GCC2: variants seen among roughly 807,000 people sequenced by gnomAD.
GCC2 encodes the protein GRIP and coiled-coil domain-containing protein 2.
A neutral mutation model predicts 210.6 loss-of-function variants in GCC2; 120 were observed. The observed-to-expected ratio is 0.57, with a 90% confidence interval of 0.49 to 0.66. GCC2 has a LOEUF of 0.66. Ranked by LOEUF, GCC2 falls within the 30% of genes least tolerant of loss-of-function variation. The pLI is 0.00. For synonymous variants in GCC2, 703 were observed against 652.7 expected, an observed-to-expected ratio of 1.08 and a Z score of -1.17; for missense variants, 1,868 against 1,871.9, an observed-to-expected ratio of 1.00 and a Z score of 0.04.
rs773289345 is a variant in GCC2 at position 108,470,136 on chromosome 2, G to T, written c.807G>T (p.Glu269Asp). ...IEASAKEHEAEINKLNELKEN... is the reference protein window; with the variant it reads ...IEASAKEHEADINKLNELKEN... ...CATCAGCTAAGGAACATGAAGCAGA[G>T]ATAAATAAGTTGAACGAGCTAAAAG... The change falls in exon 6 of 23, where the codon GAG (glutamate) becomes GAT (aspartate). Residue 269 changes from glutamate (E) to aspartate (D), a missense_variant. Physicochemically the swap from Glu to Asp is conservative, Grantham distance 45 (BLOSUM62 2). This residue lies in a region of GCC2 where 1,847 missense variants were observed against 1,765.2 expected (regional missense o/e 1.05). Coordinates refer to ENST00000309863, the MANE Select transcript of GCC2 (RefSeq NM_181453.4). The T allele has an allele frequency of 5.0e-6, 8 of 1,613,724 alleles. No individual in the cohort carries two copies. Among genetic ancestry groups the T allele is most frequent in the Non-Finnish European group, 5.9e-6 (7 of 1,179,846 alleles).
Position 108,449,671 on chromosome 2 carries a change from T to G in GCC2, c.45T>G (p.Pro15=), listed in dbSNP as rs777363501. ...VQDGVASPAT[P]GTGKSKLETL... Reference sequence around the variant, plus strand: ...ATGGGGTGGCTTCACCAGCTACCCCTGGGACCGGGAAATCTAAGGTGAAGA... The same window carrying G: ...ATGGGGTGGCTTCACCAGCTACCCCGGGGACCGGGAAATCTAAGGTGAAGA... The change falls in exon 2 of 23, where the codon CCT becomes CCG. Residue 15 remains proline, a synonymous_variant. Transcript: ENST00000309863. 7 of 1,613,578 alleles carry G rather than the reference T, an allele frequency of 4.3e-6. No individual in the cohort carries two copies. Among genetic ancestry groups the G allele is most frequent in the Non-Finnish European group, 5.1e-6 (6 of 1,179,536 alleles).
chr2:108,484,312 G>A lies in GCC2; in HGVS notation c.3613+1G>A. 2 of 1,451,998 alleles carry A rather than the reference G, an allele frequency of 1.4e-6. No individual in the cohort carries two copies. The highest frequency in any genetic ancestry group is 1.9e-6 in the Non-Finnish European group (2 of 1,071,678). 89.9% of individuals were successfully genotyped at this position (1,451,998 alleles called of 1,614,324 possible). On this transcript the variant is annotated splice_donor_variant, in intron 13 of 22. Coordinates refer to ENST00000309863, the MANE Select transcript of GCC2 (RefSeq NM_181453.4). LOFTEE classifies it high-confidence loss of function. ...CAAGAAACCCTACAAGAAGAAATAA[G>A]TGAGTTAAAGAAAATTCACTTTACT...
chr2:108,482,229 T>G, intron 10 of GCC2, 58 bp from the exon 11 acceptor site: 1 of 988,916 alleles, frequency 1.0e-6, no homozygotes, highest in Non-Finnish European at 1.5e-6. Context: ...CTGTTCATTC[T>G]TCCTCTGCTG....
At position 108,475,559 on chromosome 2, in the gene GCC2, A is replaced by AG. The variant is rs1480106752; in HGVS notation, c.2885_2886insG (p.Glu964GlyfsTer6). ...GAAAATCTGGAAAAAGAATGCAAAG[A>AG]AAAGGAGGAGAAAATAAATAAGATA... On this transcript the variant is annotated frameshift_variant, in exon 8 of 23. Transcript: ENST00000309863. LOFTEE classifies it high-confidence loss of function. The AG allele has an allele frequency of 6.7e-7, 1 of 1,497,392 alleles. No homozygotes were observed. Among genetic ancestry groups the AG allele is most frequent in the Non-Finnish European group, 9.0e-7 (1 of 1,111,824 alleles). 92.8% of individuals were successfully genotyped at this position (1,497,392 alleles called of 1,614,324 possible). A position where few individuals can be genotyped will look rare whatever the true frequency, so the allele number is the denominator to read the frequency against.
chr2:108,495,517 A>C (rs933058067), intron 20 of GCC2, 32 bp downstream of exon 20: 50 of 1,426,870 alleles, frequency 3.5e-5, no homozygotes, highest in Admixed American at 1.1e-4. Flanking sequence ...TGTTTTTCTT[A>C]TTTAATTTCA....
intron 3 of GCC2, 136 bp from the exon 4 acceptor site, chr2:108,452,262 GA>G: frequency 1.5e-6 from 1 of 665,914 alleles, no homozygotes. Flanking sequence ...TGAGTGCAGA[GA>G]TTAATCATAC....
At chr2:108,473,627 T>C (rs1394647126) in intron 7 of GCC2, among the ~76,000 whole-genome samples, 1 of 152,196 alleles carries the variant, frequency 6.6e-6, no homozygotes, top group African/African-American at 2.4e-5. Context: ...GTATGTAATG[T>C]GCCAATGATC....
chr2:108,461,999 AT>A (rs527454034), intron 4 of GCC2, among the ~76,000 whole-genome samples: 37 of 133,808 alleles, frequency 2.8e-4, no homozygotes, highest in African/African-American at 4.1e-4. Context: ...CCCCCAGCTA[AT>A]TTTTTTTTTT....
chr2:108,507,410 C>A, intron 22 of GCC2, 150 bp from the exon 23 acceptor site: 2 of 364,080 alleles, frequency 5.5e-6, no homozygotes, highest in Non-Finnish European at 5.2e-6. Flanking sequence ...AAAGAACCCC[C>A]CCCCCCAAAA....
At chr2:108,497,218 G>A (rs1682689708) in intron 21 of GCC2, 109 bp downstream of exon 21, 15 of 1,566,698 alleles carry the variant, frequency 9.6e-6, no homozygotes, top group Admixed American at 5.0e-5. Context: ...CCAGGTTCAC[G>A]CCATTCTCCT....
At chr2:108,452,938 C>G (rs1251092319) in intron 4 of GCC2, among the ~76,000 whole-genome samples, 2 of 152,122 alleles carry the variant, frequency 1.3e-5, no homozygotes, top group Non-Finnish European at 2.9e-5. Context: ...ACGATCCGCC[C>G]GCCTCAGCCT....
chr2:108,454,540 A>G (rs1342453815), intron 4 of GCC2, among the ~76,000 whole-genome samples: 1 of 152,140 alleles, frequency 6.6e-6, no homozygotes, highest in Non-Finnish European at 1.5e-5. Context: ...ATATTTAGTC[A>G]TTATATGTTT....
intron 9 of GCC2, 86 bp from the exon 10 acceptor site, chr2:108,481,611 C>T: frequency 3.2e-6 from 3 of 949,778 alleles, no homozygotes; most frequent in Non-Finnish European, 4.7e-6. Context: ...AGAATGGACT[C>T]ATGAATCTTA....
chr2:108,485,512 T>C, intron 13 of GCC2, 124 bp from the exon 14 acceptor site: 1 of 575,576 alleles, frequency 1.7e-6, no homozygotes, highest in Non-Finnish European at 3.1e-6. Context: ...GTTTGAAGTA[T>C]TCCATAATAA....
chr2:108,455,873 A>C (rs1181110462), intron 4 of GCC2, among the ~76,000 whole-genome samples: 1 of 152,228 alleles, frequency 6.6e-6, no homozygotes, highest in East Asian at 1.9e-4. Flanking sequence ...TGCTGCAATA[A>C]ACACAGGAGT....
chr2:108,479,997 A>ACC (rs1681760840), intron 9 of GCC2, among the ~76,000 whole-genome samples: 2 of 44,998 alleles, frequency 4.4e-5, no homozygotes, highest in African/African-American at 5.4e-5. Flanking sequence ...AAAAAAAAAA[A>ACC]AAAAAAAAAA....
chr2:108,496,816 T>A, intron 20 of GCC2, 154 bp from the exon 21 acceptor site: 1 of 1,021,158 alleles, frequency 9.8e-7, no homozygotes, highest in East Asian at 2.6e-5. Flanking sequence ...ACATATAATC[T>A]GTTGATTGAG....
chr2:108,462,411 G>A (rs1159998967), intron 4 of GCC2, among the ~76,000 whole-genome samples: 10 of 147,692 alleles, frequency 6.8e-5, no homozygotes, highest in Admixed American at 3.4e-4. Flanking sequence ...GGAGAATGGC[G>A]TGAACCCGGG....
chr2:108,501,124 C>T (rs575133634), intron 22 of GCC2, among the ~76,000 whole-genome samples: 1,868 of 149,496 alleles, frequency 0.012, 42 homozygotes, highest in African/African-American at 0.041. Flanking sequence ...GCCTCCCCAG[C>T]AGCTGGGACT....
Sources: allele counts gnomAD v4.1 joint callset (sites outside exome capture counted in the v4.1 genomes callset), GRCh38; gene constraint gnomAD v4.1.1; regional missense constraint gnomAD v4.1.1; transcripts MANE v1.5; gene names NCBI Gene and HGNC (gene_info 2026-07-23, HGNC 2026-07-21).